MVD: variants seen among roughly 807,000 people sequenced by gnomAD.
The protein encoded by MVD is mevalonate diphosphate decarboxylase, also known as diphosphomevalonate decarboxylase.
Under a neutral mutation model 42.4 loss-of-function variants are expected in MVD, and 52 were observed. The observed-to-expected ratio is 1.23, with a 90% CI of 0.98 to 1.55. MVD has a LOEUF of 1.55. Among genes scored for constraint, MVD ranks in the 40% most tolerant of loss-of-function variants. MVD has a pLI of 0.00. For synonymous variants in MVD, 287 were observed against 243.2 expected, an observed-to-expected ratio of 1.18 and a Z score of -1.68; for missense variants, 663 against 572.1, an observed-to-expected ratio of 1.16 and a Z score of -1.62.
Position 88,662,711 on chromosome 16 carries a change from C to G in MVD, c.70+300G>C, listed in dbSNP as rs774403524. On this transcript the variant is annotated intron_variant, in intron 1 of 9. Transcript: ENST00000301012. ...CGCGCACCACCACGGCGGATTCTTA[C>G]GATTCATGGGAATCGATGATTGATG... 7.1e-6 allele frequency: 10 copies of G among 1,407,802 alleles called. No homozygotes were observed. In the Admixed American group the frequency reaches 1.2e-4, roughly 17 times the overall value. The allele number at this position is 1,407,802 out of a possible 1,614,324, so 87.2% of individuals were successfully genotyped here.
intron 1 of MVD, chr16:88,662,703 G>A (rs1202045658): frequency 7.9e-6 from 11 of 1,391,136 alleles, no homozygotes; most frequent in Non-Finnish European, 1.0e-5. Context: ...CACCACGGCG[G>A]ATTCTTACGA....
rs1046628363 is a variant in MVD, at chr16:88,655,318, T to C, written c.778A>G (p.Ser260Gly). 7 of 1,599,972 alleles carry C rather than the reference T, an allele frequency of 4.4e-6. No individual in the cohort carries two copies. Among genetic ancestry groups the C allele is most frequent in the Non-Finnish European group, 6.0e-6 (7 of 1,173,640 alleles). ...AGGCAGGTGGCGTGGAACTGGTTGC[T>C]GTCCTTCATGGTCAGCTGGGCGAAG... ...PSFAQLTMKD[S>G]NQFHATCLDT... is the part of the protein sequence containing the mutation. The change falls in exon 7 of 10, where the codon AGC becomes GGC. Residue 260 changes from serine (S) to glycine (G), a missense_variant. By Grantham distance (56) the Ser-to-Gly change is moderately conservative. Transcript: ENST00000301012.
rs1907875729 is a variant in MVD at position 88,655,717 on chromosome 16, T to C, written c.617A>G (p.Lys206Arg). 6.4e-7 allele frequency: 1 copy of C among 1,558,456 alleles called. No individual in the cohort carries two copies. The highest frequency in any genetic ancestry group is 8.7e-7 in the Non-Finnish European group (1 of 1,151,248). Residue 206 changes from lysine (K) to arginine (R), a missense_variant, in exon 6 of 10, where the codon AAG (lysine) becomes AGG (arginine). Lys to Arg is a conservative substitution (Grantham distance 26). Transcript: ENST00000301012. Reference protein sequence around the residue: ...RVLILVVSAEKKLTGSTVGMR... With the variant: ...RVLILVVSAERKLTGSTVGMR... ...GCCCACGGTACTGCCTGTCAGCTTC[T>C]TCTCAGCGCTCACCTGCACGAGGGA...
chr16:88,657,245 C>T (rs1057301095), intron 4 of MVD, 191 bp downstream of exon 4: 1 of 848,732 alleles, frequency 1.2e-6, no homozygotes, highest in African/African-American at 1.7e-5. Context: ...ACGCCAGCTG[C>T]AACTGGAAGA....
intron 2 of MVD, among the ~76,000 whole-genome samples, chr16:88,658,402 T>C (rs1372260773): frequency 6.6e-6 from 1 of 152,180 alleles, no homozygotes; most frequent in South Asian, 2.1e-4. Context: ...CTAGGCCATC[T>C]CATCCTAGCC....
chr16:88,661,241 G>A (rs1047822090), intron 1 of MVD, among the ~76,000 whole-genome samples: 2 of 152,086 alleles, frequency 1.3e-5, no homozygotes, highest in South Asian at 2.1e-4. Flanking sequence ...AAGCAAAGAG[G>A]TCTTAGACTT....
rs1221452502 is a variant in MVD, at chr16:88,657,787, G to A, written c.256+128C>T. ...CCACTGCCCTGGAGCTGGCGGCCCA[G>A]CGGGCATGTCTGGTTCCCAGCCACC... On this transcript the variant is annotated intron_variant, in intron 3 of 9. Transcript: ENST00000301012. 3.2e-6 allele frequency: 4 copies of A among 1,256,588 alleles called. No individual in the cohort carries two copies. In the South Asian group the frequency reaches 4.2e-5, roughly 13 times the overall value. The allele number at this position is 1,256,588 out of a possible 1,614,324, so 77.8% of individuals were successfully genotyped here. A position where few individuals can be genotyped will look rare whatever the true frequency, so the allele number is the denominator to read the frequency against.
In MVD at chr16:88,653,314, T is replaced by G; in HGVS notation, c.1108A>C (p.Ile370Leu). 1 of 1,597,596 alleles carries G rather than the reference T, an allele frequency of 6.3e-7. No homozygotes were observed. Among genetic ancestry groups the G allele is most frequent in the East Asian group, 2.3e-5 (1 of 44,132 alleles). The change falls in exon 9 of 10, where the codon ATC becomes CTC. Residue 370 changes from isoleucine to leucine, a missense_variant. Ile to Leu is a conservative substitution (Grantham distance 5, BLOSUM62 2). Coordinates refer to ENST00000301012, the MANE Select transcript of MVD (RefSeq NM_002461.3). The stretch of plus-strand genomic sequence containing the variant: ...CCAGGCCTCACCTGAGTGACAATGA[T>G]GTATTTGACCCCACCGGGGGTCGGC... ...MEPTPGGVKY[I>L]IVTQVGPGPQ...
At position 88,658,525 on chromosome 16, in the gene MVD, G is replaced by A. The variant is rs527941925; in HGVS notation, c.141+125C>T. ...GGTTCACTGTGGTCTCCAATGCCTG[G>A]GCTCAAGAGACTCTCCCCAAGTGCT... On this transcript the variant is annotated intron_variant, in intron 2 of 9. Coordinates refer to ENST00000301012, the MANE Select transcript of MVD (RefSeq NM_002461.3). 57 of 914,084 alleles carry A rather than the reference G, an allele frequency of 6.2e-5. 1 individual carries two copies. In the African/African-American group the frequency reaches 7.5e-4, roughly 12 times the overall value. The allele number at this position is 914,084 out of a possible 1,614,324, so 56.6% of individuals were successfully genotyped here.
rs1908165306 is a variant in MVD, at chr16:88,659,654, G to A, written c.71-934C>T. Among the ~76,000 whole-genome samples the A allele has an allele frequency of 3.9e-5, 6 of 152,078 alleles. No homozygotes were observed. The South Asian group carries it at 1.0e-3, about 26-fold the overall frequency. On this transcript the variant is annotated intron_variant, in intron 1 of 9. Coordinates refer to ENST00000301012, the MANE Select transcript of MVD (RefSeq NM_002461.3). ...AGCCCTCCCTAGCAGGACCAGGAAG[G>A]GCAGCCTAGCAACACAGAAACAGAC...
intron 8 of MVD, among the ~76,000 whole-genome samples, chr16:88,653,946 C>G (rs1907742025): frequency 6.6e-6 from 1 of 152,224 alleles, no homozygotes; most frequent in African/African-American, 2.4e-5. Flanking sequence ...ATTGCTCCCA[C>G]CCGGGACAGA....
chr16:88,662,468 A>C (rs966858517), intron 1 of MVD, among the ~76,000 whole-genome samples: 24 of 152,198 alleles, frequency 1.6e-4, no homozygotes, highest in Non-Finnish European at 2.9e-5. Flanking sequence ...CGGGGCTGTG[A>C]ACGCACAGGT....
Position 88,655,228 on chromosome 16 carries a change from G to T in MVD, c.868C>A (p.Arg290Ser). 6.3e-7 allele frequency: 1 copy of T among 1,575,856 alleles called. No individual in the cohort carries two copies. The highest frequency in any genetic ancestry group is 1.3e-5 in the African/African-American group (1 of 74,392). Reference protein sequence around the residue: ...ISWRIIHLVHRFNAHHGDTKV... With the variant: ...ISWRIIHLVHSFNAHHGDTKV... ...GTGTCCCCGTGGTGGGCGTTGAAGC[G>T]GTGCACCAGGTGGATGATGCGCCAG... The change falls in exon 7 of 10, where the codon CGC becomes AGC. Residue 290 changes from arginine to serine, a missense_variant. Transcript: ENST00000301012.
At chr16:88,660,686 A>G (rs1908234957) in intron 1 of MVD, 1 of 149,902 alleles carries the variant, frequency 6.7e-6, no homozygotes, top group African/African-American at 2.4e-5. Flanking sequence ...ATATAAAAAT[A>G]TAAATATAAA....
In MVD at chr16:88,652,453, C is replaced by T. The variant is rs1907626544; in HGVS notation, c.*72G>A. 2 of 1,502,486 alleles carry T rather than the reference C, an allele frequency of 1.3e-6. No individual in the cohort carries two copies. The highest frequency in any genetic ancestry group is 2.5e-5 in the East Asian group (1 of 40,668). 93.1% of individuals were successfully genotyped at this position (1,502,486 alleles called of 1,614,324 possible). On this transcript the variant is annotated 3_prime_UTR_variant, in exon 10 of 10. Coordinates refer to ENST00000301012, the MANE Select transcript of MVD (RefSeq NM_002461.3). ...CACATGTCCCAGGAGTCCGGCCAGCCCACCACATCCGCTCCCTAGCTCCGG... is the reference window on the plus strand; with the variant it reads ...CACATGTCCCAGGAGTCCGGCCAGCTCACCACATCCGCTCCCTAGCTCCGG...
rs746384333 is a variant in MVD, at chr16:88,657,932, T to G, written c.239A>C (p.Gln80Pro). ...CAGCTCACTCTCCCGCAGGCAGGCC[T>G]GCAGCCGCGGCTGCCCCACATCCTC... is the stretch of plus-strand genomic sequence containing the variant. ...REEDVGQPRL[Q>P]ACLREIRCLA... is the part of the protein sequence containing the mutation. The change falls in exon 3 of 10, where the codon CAG (glutamine) becomes CCG (proline). Residue 80 changes from glutamine (Q) to proline (P), a missense_variant. Physicochemically the swap from Gln to Pro is moderately conservative, Grantham distance 76. Transcript: ENST00000301012. 2.5e-6 allele frequency: 4 copies of G among 1,613,666 alleles called. No homozygotes were observed. Among genetic ancestry groups the G allele is most frequent in the Non-Finnish European group, 3.4e-6 (4 of 1,179,996 alleles).
rs941073066 is a variant in MVD at position 88,652,330 on chromosome 16, G to T, written c.*195C>A. On this transcript the variant is annotated 3_prime_UTR_variant, in exon 10 of 10. Coordinates refer to ENST00000301012, the MANE Select transcript of MVD (RefSeq NM_002461.3). Reference sequence around the variant, plus strand: ...GCTGGTGCAGCTTAGGGCAGCTGAAGCACTCGGCGGGGACCTCTCCTGACA... The same window carrying T: ...GCTGGTGCAGCTTAGGGCAGCTGAATCACTCGGCGGGGACCTCTCCTGACA... The T allele has an allele frequency of 3.0e-5, 19 of 642,762 alleles. No individual in the cohort carries two copies. The Admixed American group carries it at 4.0e-4, about 14-fold the overall frequency. The allele number at this position is 642,762 out of a possible 1,614,324, so 39.8% of individuals were successfully genotyped here.
chr16:88,652,193 C>T lies in MVD; in HGVS notation c.*332G>A, dbSNP rs1320300403. The stretch of plus-strand genomic sequence containing the variant: ...GAGGGACCACCTCCCCACTGAGCTC[C>T]TTTCTCAGAGAACTGGGCATAGCCA... On this transcript the variant is annotated 3_prime_UTR_variant, in exon 10 of 10. Transcript: ENST00000301012. 1.1e-5 allele frequency: 5 copies of T among 456,010 alleles called. No homozygotes were observed. The highest frequency in any genetic ancestry group is 4.5e-5 in the East Asian group (1 of 22,414). The allele number at this position is 456,010 out of a possible 1,614,324, so 28.2% of individuals were successfully genotyped here. A position where few individuals can be genotyped will look rare whatever the true frequency, so the allele number is the denominator to read the frequency against.
rs759727451 is a variant in MVD at position 88,657,525 on chromosome 16, C to A, written c.314G>T (p.Ser105Ile). 7 of 1,612,688 alleles carry A rather than the reference C, an allele frequency of 4.3e-6. No homozygotes were observed. Among genetic ancestry groups the A allele is most frequent in the Non-Finnish European group, 5.9e-6 (7 of 1,179,946 alleles). The change falls in exon 4 of 10, where the codon AGC (serine) becomes ATC (isoleucine). Residue 105 changes from serine (S) to isoleucine (I), a missense_variant. Coordinates refer to ENST00000301012, the MANE Select transcript of MVD (RefSeq NM_002461.3). ...TGCCACGTGCACCTTGCAGCTGAGG[C>A]TGGAGGGCAGCGGGTCCCCATCCCG... ...NSRDGDPLPSSLSCKVHVASV... is the reference protein window; with the variant it reads ...NSRDGDPLPSILSCKVHVASV...
Sources: allele counts gnomAD v4.1 joint callset (sites outside exome capture counted in the v4.1 genomes callset), GRCh38; gene constraint gnomAD v4.1.1; transcripts MANE v1.5; gene names NCBI Gene and HGNC (gene_info 2026-07-23, HGNC 2026-07-21).